PABIR3: variants seen among roughly 807,000 people sequenced by gnomAD.
The protein encoded by PABIR3 is PABIR family member 3.
A neutral mutation model predicts 23.1 loss-of-function variants in PABIR3; 20 were observed. That is an observed-to-expected ratio of 0.86 (90% CI 0.61 to 1.26). The LOEUF is 1.26. PABIR3 is among the 50% of genes most tolerant of loss of function. The pLI is 0.00. For synonymous variants in PABIR3, 69 were observed against 68.5 expected (o/e 1.01, Z -0.04); for missense variants, 189 against 195.4 (o/e 0.97, Z 0.20).
chrX:134,843,255 T>C (rs2082304236), intron 4 of PABIR3, among the ~76,000 whole-genome samples: 1 of 111,549 alleles, frequency 9.0e-6, no homozygotes, highest in South Asian at 3.7e-4. Context: ...GTTTTTTTTC[T>C]CTTGTTGCCT....
chrX:134,855,440 A>G (rs764327274), downstream of PABIR3, among the ~76,000 whole-genome samples: 1 of 111,475 alleles, frequency 9.0e-6, no homozygotes, highest in Non-Finnish European at 1.9e-5. Flanking sequence ...TCTCAAAAAA[A>G]AAAAATTAAA....
intron 4 of PABIR3, among the ~76,000 whole-genome samples, chrX:134,837,638 T>G (rs2148294667): frequency 8.9e-6 from 1 of 112,355 alleles, no homozygotes; most frequent in Admixed American, 9.5e-5. Flanking sequence ...TATACTTATT[T>G]TAATAATCTT....
At chrX:134,824,157 C>T (rs1461810617) in intron 3 of PABIR3, among the ~76,000 whole-genome samples, 1 of 111,691 alleles carries the variant, frequency 9.0e-6, no homozygotes, top group Non-Finnish European at 1.9e-5. Flanking sequence ...ATAGGTCAAT[C>T]GAAAGAGCCT....
chrX:134,837,058 T>C (rs1347291946), intron 4 of PABIR3, among the ~76,000 whole-genome samples: 2 of 110,406 alleles, frequency 1.8e-5, no homozygotes, highest in Non-Finnish European at 3.8e-5. Context: ...TTTTTTTTAA[T>C]TTGCTGGCCG....
chrX:134,805,878 C>G (rs761108804), upstream of PABIR3, among the ~76,000 whole-genome samples: 1 of 108,973 alleles, frequency 9.2e-6, no homozygotes, highest in South Asian at 4.0e-4. Flanking sequence ...GCCTGGGCAA[C>G]AAGAGCGAAA....
chrX:134,800,558 G>A (rs1276728728), intron 1 of PABIR3, among the ~76,000 whole-genome samples: 3 of 111,825 alleles, frequency 2.7e-5, no homozygotes, highest in East Asian at 2.8e-4. Context: ...TTGGGAGGCC[G>A]AGGTGGGCGG....
At chrX:134,817,088 C>T (rs752357146) in intron 3 of PABIR3, among the ~76,000 whole-genome samples, 4 of 111,421 alleles carry the variant, frequency 3.6e-5, no homozygotes, top group Non-Finnish European at 5.6e-5. Flanking sequence ...GCAGGAGAAT[C>T]GCTTCAACCC....
At position 134,821,737 on chromosome X, in the gene PABIR3, C is replaced by T. The variant is rs1219195489; in HGVS notation, c.189+6888C>T. On this transcript the variant is annotated intron_variant, in intron 3 of 10. Coordinates refer to ENST00000645433, the MANE Select transcript of PABIR3 (RefSeq NM_001388447.1). ...AATACATTCCTGATCCTGCTTTATG[C>T]CCTGCACATCTAGCCCATGTTCAGT... is the stretch of plus-strand genomic sequence containing the variant. The T allele has an allele frequency of 4.2e-6, 4 of 947,356 alleles. No homozygotes were observed. The African/African-American group carries it at 6.1e-5, about 14-fold the overall frequency. The allele number at this position is 947,356 out of a possible 1,213,427, so 78.1% of individuals were successfully genotyped here.
the PABIR3 span, among the ~76,000 whole-genome samples, chrX:134,861,417 G>A: frequency 3.6e-5 from 4 of 110,912 alleles, no homozygotes; most frequent in African/African-American, 1.3e-4. Flanking sequence ...ACTAAGATCA[G>A]TTAAATTCGC....
At chrX:134,823,116 G>C (rs1355031893) in intron 3 of PABIR3, 4 of 110,591 alleles carry the variant, frequency 3.6e-5, no homozygotes. Context: ...CTCCAGCCTG[G>C]GTGACAGAGC....
chrX:134,810,887 G>A (rs970348992), intron 2 of PABIR3: 1 of 751,986 alleles, frequency 1.3e-6, no homozygotes, highest in African/African-American at 2.3e-5. Flanking sequence ...AGTAACATAG[G>A]AATGATGTGT....
chrX:134,863,622 G>C, the PABIR3 span, among the ~76,000 whole-genome samples: 1 of 111,318 alleles, frequency 9.0e-6, no homozygotes, highest in Non-Finnish European at 1.9e-5. Context: ...AGATTGATTG[G>C]CCTCTCAACT....
At chrX:134,829,346 A>G in intron 4 of PABIR3, 64 bp downstream of exon 4, 1 of 931,204 alleles carries the variant, frequency 1.1e-6, no homozygotes. Flanking sequence ...TTTCTTTGTG[A>G]AAATACCTAT....
chrX:134,821,188 A>G (rs2081269222), intron 3 of PABIR3: 2 of 582,771 alleles, frequency 3.4e-6, no homozygotes, highest in Middle Eastern at 5.2e-4. Context: ...TTGAAGAGCC[A>G]TGGGTTTTTG....
chrX:134,835,362 G>A (rs746378938), intron 4 of PABIR3: 1 of 111,083 alleles, frequency 9.0e-6, no homozygotes, highest in African/African-American at 3.3e-5. Flanking sequence ...TGGGATTACA[G>A]GCATGAGCTA....
chrX:134,817,448 C>A (rs757253268), intron 3 of PABIR3, among the ~76,000 whole-genome samples: 5 of 103,957 alleles, frequency 4.8e-5, no homozygotes, highest in African/African-American at 7.1e-5. Flanking sequence ...GGTTTAGGAC[C>A]CACTATGTAT....
chrX:134,847,380 C>T lies in PABIR3; in HGVS notation c.346-3C>T. ...AATTGTACACTGCTTTCTGCTTACA[C>T]AGAATGACAATGGCTTACAGAAATC... is the stretch of plus-strand genomic sequence containing the variant. On this transcript the variant is annotated splice_region_variant and splice_polypyrimidine_tract_variant and intron_variant, in intron 6 of 10. Transcript: ENST00000645433. 8.4e-7 allele frequency: 1 copy of T among 1,195,756 alleles called. No homozygotes were observed.
intron 1 of PABIR3, among the ~76,000 whole-genome samples, chrX:134,797,810 ATTT>A (rs200169266): frequency 5.7e-5 from 5 of 88,074 alleles, no homozygotes; most frequent in African/African-American, 1.7e-4. Context: ...TGAGATCTGG[ATTT>A]TTTTTTTTTT....
chrX:134,842,509 G>A (rs1485656878), intron 4 of PABIR3, among the ~76,000 whole-genome samples: 1 of 111,377 alleles, frequency 9.0e-6, no homozygotes, highest in East Asian at 2.8e-4. Flanking sequence ...TCAGGAGGCT[G>A]AATCGGGAGA....
Sources: allele counts gnomAD v4.1 joint callset (sites outside exome capture counted in the v4.1 genomes callset), GRCh38; gene constraint gnomAD v4.1.1; transcripts MANE v1.5; gene names NCBI Gene and HGNC (gene_info 2026-07-23, HGNC 2026-07-21).